The following SLC44A5 variants were observed in gnomAD, a reference collection of about 807,000 sequenced individuals.
The protein encoded by SLC44A5 is solute carrier family 44 member 5, also known as choline transporter-like protein 5.
A neutral mutation model predicts 101.8 loss-of-function variants in SLC44A5; 57 were observed. The observed-to-expected ratio is 0.56, with a 90% CI of 0.45 to 0.70. SLC44A5 has a LOEUF of 0.70. Ranked by LOEUF, SLC44A5 falls within the 30% of genes least tolerant of loss-of-function variation. The pLI is 0.00. For missense variants in SLC44A5, 737 were observed against 853.1 expected (o/e 0.86, Z 1.70); for synonymous variants, 281 against 290.9 (o/e 0.97, Z 0.35).
At chr1:75,712,974 G>A in the SLC44A5 span, among the ~76,000 whole-genome samples, 1 of 152,018 alleles carries the variant, frequency 6.6e-6, no homozygotes, top group Non-Finnish European at 1.5e-5. Flanking sequence ...CAGTAATCCT[G>A]CTATGTACTT....
At chr1:75,516,020 A>T (rs572539128) in intron 2 of SLC44A5, among the ~76,000 whole-genome samples, 2 of 152,214 alleles carry the variant, frequency 1.3e-5, no homozygotes, top group African/African-American at 4.8e-5. Context: ...AGTATTAAAA[A>T]AACTTTTTAA....
chr1:75,343,122 C>T (rs1658008455), intron 3 of SLC44A5, among the ~76,000 whole-genome samples: 1 of 152,126 alleles, frequency 6.6e-6, no homozygotes. Flanking sequence ...GGCTTAGCTC[C>T]TTGAATGCAA....
intron 3 of SLC44A5, among the ~76,000 whole-genome samples, chr1:75,384,837 C>G (rs1484619245): frequency 2.0e-5 from 3 of 150,668 alleles, no homozygotes; most frequent in African/African-American, 7.3e-5. Flanking sequence ...TGTAAAAGAA[C>G]AGAGATTATA....
At chr1:75,251,101 AC>A in intron 7 of SLC44A5, 108 bp downstream of exon 7, 2 of 791,920 alleles carry the variant, frequency 2.5e-6, no homozygotes, top group South Asian at 3.1e-5. Context: ...TTCATAATGA[AC>A]CCCCTGCCCA....
At chr1:75,702,621 A>T in the SLC44A5 span, among the ~76,000 whole-genome samples, 1 of 152,164 alleles carries the variant, frequency 6.6e-6, no homozygotes, top group Non-Finnish European at 1.5e-5. Context: ...TGTCTAAAAC[A>T]CCAGAAGCAA....
intron 2 of SLC44A5, among the ~76,000 whole-genome samples, chr1:75,429,237 A>G (rs1326328974): frequency 6.6e-6 from 1 of 152,224 alleles, no homozygotes; most frequent in Non-Finnish European, 1.5e-5. Flanking sequence ...AATCATCATC[A>G]GCCTAAAGCT....
chr1:75,482,693 CA>C (rs1458531035), intron 2 of SLC44A5, among the ~76,000 whole-genome samples: 3 of 152,080 alleles, frequency 2.0e-5, no homozygotes, highest in Non-Finnish European at 4.4e-5. Context: ...ACTTTAATAG[CA>C]ATCTGTTATT....
intron 2 of SLC44A5, among the ~76,000 whole-genome samples, chr1:75,403,505 G>A (rs1163897436): frequency 6.6e-6 from 1 of 152,146 alleles, no homozygotes; most frequent in African/African-American, 2.4e-5. Flanking sequence ...GAAGAAACAG[G>A]CAGCAATCTT....
the SLC44A5 span, among the ~76,000 whole-genome samples, chr1:75,633,978 T>A: frequency 9.2e-5 from 14 of 152,070 alleles, no homozygotes; most frequent in Admixed American, 3.3e-4. Context: ...ATTGAGATAA[T>A]CATGTGGTTT....
chr1:75,715,494 C>T, the SLC44A5 span, among the ~76,000 whole-genome samples: 1 of 152,174 alleles, frequency 6.6e-6, no homozygotes, highest in African/African-American at 2.4e-5. Context: ...TAAAGCTGCA[C>T]ACCTACAACC....
chr1:75,702,820 A>T, the SLC44A5 span, among the ~76,000 whole-genome samples: 2 of 152,164 alleles, frequency 1.3e-5, no homozygotes, highest in African/African-American at 4.8e-5. Flanking sequence ...CGAGAAAAAA[A>T]CAAACAACCC....
intron 2 of SLC44A5, among the ~76,000 whole-genome samples, chr1:75,430,640 A>G (rs1664563691): frequency 6.6e-6 from 1 of 152,200 alleles, no homozygotes; most frequent in Admixed American, 6.5e-5. Flanking sequence ...CTTTAATATG[A>G]AGGCCTGAAT....
intron 1 of SLC44A5, among the ~76,000 whole-genome samples, chr1:75,601,695 G>A (rs1212009911): frequency 1.3e-5 from 2 of 152,008 alleles, no homozygotes; most frequent in African/African-American, 2.4e-5. Flanking sequence ...ACTGATTCCA[G>A]GAAAAAAATT....
At chr1:75,235,349 A>C (rs955929991) in intron 11 of SLC44A5, among the ~76,000 whole-genome samples, 1 of 151,924 alleles carries the variant, frequency 6.6e-6, no homozygotes, top group African/African-American at 2.4e-5. Context: ...TTCATGTTTT[A>C]CTCTTATGAG....
At chr1:75,592,876 A>G (rs1341030505) in intron 1 of SLC44A5, among the ~76,000 whole-genome samples, 2 of 152,128 alleles carry the variant, frequency 1.3e-5, no homozygotes, top group African/African-American at 2.4e-5. Flanking sequence ...AAGACCTCAA[A>G]CTATGAAACT....
At chr1:75,605,532 C>A (rs113416343) in intron 1 of SLC44A5, among the ~76,000 whole-genome samples, 2 of 151,994 alleles carry the variant, frequency 1.3e-5, no homozygotes, top group African/African-American at 2.4e-5. Flanking sequence ...ATTCTTCATC[C>A]TTTCCTTCAC....
chr1:75,453,308 G>A (rs1666007138), intron 2 of SLC44A5, among the ~76,000 whole-genome samples: 2 of 151,962 alleles, frequency 1.3e-5, no homozygotes, highest in African/African-American at 2.4e-5. Context: ...TAAAGTAATG[G>A]AGAAATCAAT....
At chr1:75,508,253 T>C (rs1471537107) in intron 2 of SLC44A5, among the ~76,000 whole-genome samples, 3 of 152,102 alleles carry the variant, frequency 2.0e-5, no homozygotes, top group Non-Finnish European at 2.9e-5. Context: ...CTGAATACTT[T>C]TGGGGAAACA....
intron 22 of SLC44A5, among the ~76,000 whole-genome samples, chr1:75,212,441 G>A (rs1380345422): frequency 6.6e-6 from 1 of 152,114 alleles, no homozygotes; most frequent in Non-Finnish European, 1.5e-5. Context: ...AGAACATGCA[G>A]CATTTGGTTT....
Sources: allele counts gnomAD v4.1 joint callset (sites outside exome capture counted in the v4.1 genomes callset), GRCh38; gene constraint gnomAD v4.1.1; transcripts MANE v1.5; gene names NCBI Gene and HGNC (gene_info 2026-07-23, HGNC 2026-07-21).